HSD17B12: variants seen among roughly 807,000 people sequenced by gnomAD.
The protein encoded by HSD17B12 is hydroxysteroid 17-beta dehydrogenase 12, also known as very-long-chain 3-oxoacyl-CoA reductase.
In HSD17B12, 32 loss-of-function variants were observed where a neutral mutation model predicts 39.3. That is an observed-to-expected ratio of 0.81 (90% CI 0.61 to 1.09). The LOEUF is 1.09. Ranked by LOEUF, HSD17B12 falls within the 50% of genes least tolerant of loss-of-function variation. HSD17B12 has a pLI of 0.00. For missense variants in HSD17B12, 342 were observed against 382.9 expected (o/e 0.89, Z 0.89); for synonymous variants, 150 against 146.7 (o/e 1.02, Z -0.16).
chr11:43,777,845 G>T (rs539481782), intron 3 of HSD17B12, among the ~76,000 whole-genome samples: 1 of 152,220 alleles, frequency 6.6e-6, no homozygotes, highest in African/African-American at 2.4e-5. Flanking sequence ...TGTGTAGAGG[G>T]AAATTTATAG....
chr11:43,619,223 T>TATG, the HSD17B12 span, among the ~76,000 whole-genome samples: 2 of 37,794 alleles, frequency 5.3e-5, no homozygotes, highest in African/African-American at 1.0e-4. Context: ...AAAATATATA[T>TATG]ATATGATATA....
chr11:43,643,483 T>G, the HSD17B12 span, among the ~76,000 whole-genome samples: 6 of 152,210 alleles, frequency 3.9e-5, no homozygotes, highest in Admixed American at 6.5e-5. Context: ...GTTTCTTTAC[T>G]TGTTGCTTGT....
chr11:43,616,462 A>C, the HSD17B12 span, among the ~76,000 whole-genome samples: 1 of 151,106 alleles, frequency 6.6e-6, no homozygotes, highest in Admixed American at 6.6e-5. Context: ...AGCATAAGTC[A>C]TTTAAAACTT....
chr11:43,734,471 C>T (rs1950298485), intron 1 of HSD17B12: 2 of 675,774 alleles, frequency 3.0e-6, no homozygotes, highest in Admixed American at 4.3e-5. Flanking sequence ...GCTGTGTAAG[C>T]TGGAAGTCGT....
At chr11:43,601,748 C>T in the HSD17B12 span, among the ~76,000 whole-genome samples, 1 of 152,182 alleles carries the variant, frequency 6.6e-6, no homozygotes. Context: ...TGAATACTTC[C>T]TCTGTTTCTT....
At chr11:43,560,032 A>G in the HSD17B12 span, among the ~76,000 whole-genome samples, 14 of 152,118 alleles carry the variant, frequency 9.2e-5, no homozygotes, top group African/African-American at 2.9e-4. Flanking sequence ...GTGGTTTTTT[A>G]TTTGCTGTTT....
chr11:43,585,003 C>T, the HSD17B12 span, among the ~76,000 whole-genome samples: 1 of 152,216 alleles, frequency 6.6e-6, no homozygotes, highest in African/African-American at 2.4e-5. Flanking sequence ...GGGGCCCACT[C>T]TTCCTTCTCC....
At chr11:43,778,860 T>A (rs1950737228) in intron 3 of HSD17B12, among the ~76,000 whole-genome samples, 1 of 152,196 alleles carries the variant, frequency 6.6e-6, no homozygotes, top group African/African-American at 2.4e-5. Flanking sequence ...ATACATACCA[T>A]GAAAAATTAG....
At chr11:43,572,504 A>G in the HSD17B12 span, among the ~76,000 whole-genome samples, 1 of 152,222 alleles carries the variant, frequency 6.6e-6, no homozygotes, top group Non-Finnish European at 1.5e-5. Context: ...TTGGAGCCAT[A>G]CAGATATGAA....
rs115609064 is a variant in HSD17B12, at chr11:43,805,680, T to G, written c.391+7253T>G. Among the ~76,000 whole-genome samples, 1,002 of 152,254 alleles carry G rather than the reference T, an allele frequency of 6.6e-3. 18 individuals carry two copies. The highest frequency in any genetic ancestry group is 0.023 in the African/African-American group (940 of 41,538). On this transcript the variant is annotated intron_variant, in intron 4 of 10. Transcript: ENST00000278353. ...AAGGGCAGGATATAACTTTTGTGCT[T>G]TCTAAGGGTATAAAACACTTCCAAA...
chr11:43,751,666 C>A (rs1447459107), intron 2 of HSD17B12, among the ~76,000 whole-genome samples: 1 of 152,110 alleles, frequency 6.6e-6, no homozygotes, highest in East Asian at 1.9e-4. Context: ...GGAAGAATAT[C>A]AAAACTACAG....
At chr11:43,742,135 A>AT (rs1397611592) in intron 1 of HSD17B12, among the ~76,000 whole-genome samples, 83 of 67,540 alleles carry the variant, frequency 1.2e-3, no homozygotes, top group Middle Eastern at 0.02. Flanking sequence ...ATATATATAT[A>AT]TATATTTTTT....
intron 8 of HSD17B12, 119 bp downstream of exon 8, chr11:43,838,517 G>C (rs752470323): frequency 1.4e-6 from 1 of 732,768 alleles, no homozygotes; most frequent in Non-Finnish European, 2.4e-6. Flanking sequence ...CCAGTAGACT[G>C]AGAAGAAAAG....
At chr11:43,603,559 A>G in the HSD17B12 span, among the ~76,000 whole-genome samples, 5 of 152,230 alleles carry the variant, frequency 3.3e-5, no homozygotes, top group African/African-American at 1.2e-4. Flanking sequence ...TTCCTAAAGC[A>G]CACATATTTG....
the HSD17B12 span, among the ~76,000 whole-genome samples, chr11:43,580,909 T>C: frequency 1.3e-5 from 2 of 152,048 alleles, no homozygotes; most frequent in Admixed American, 6.6e-5. Context: ...ATTTATTTAG[T>C]GCTCTGGGGG....
chr11:43,566,704 A>G, the HSD17B12 span, among the ~76,000 whole-genome samples: 1 of 152,022 alleles, frequency 6.6e-6, no homozygotes, highest in Admixed American at 6.6e-5. Context: ...TAATTTTTGT[A>G]TTTTTATTAG....
intron 9 of HSD17B12, among the ~76,000 whole-genome samples, chr11:43,843,111 T>C (rs895470174): frequency 6.6e-6 from 1 of 152,210 alleles, no homozygotes; most frequent in African/African-American, 2.4e-5. Context: ...TTTTGTCATA[T>C]GAATTCATTC....
At chr11:43,715,074 G>A (rs1003487399) in intron 1 of HSD17B12, among the ~76,000 whole-genome samples, 3 of 152,034 alleles carry the variant, frequency 2.0e-5, no homozygotes, top group Non-Finnish European at 2.9e-5. Context: ...CTGCAGACAG[G>A]GACAATTTGA....
the HSD17B12 span, among the ~76,000 whole-genome samples, chr11:43,609,081 A>G: frequency 2.0e-5 from 3 of 150,862 alleles, no homozygotes; most frequent in Admixed American, 2.0e-4. Context: ...GGTGCGCACC[A>G]CCATGCCCAG....
Sources: gnomAD v4.1 joint callset for allele counts (sites outside exome capture counted in the v4.1 genomes callset) on GRCh38, gnomAD v4.1.1 for gene constraint, MANE v1.5 for transcripts, NCBI Gene and HGNC (gene_info 2026-07-23, HGNC 2026-07-21) for gene names.